RASSF5: variants seen among roughly 807,000 people sequenced by gnomAD.
RASSF5 encodes ras association domain-containing protein 5.
RASSF5 carries 25 observed loss-of-function variants against 40.5 expected under a neutral mutation model. That is an observed-to-expected ratio of 0.62 (90% CI 0.45 to 0.86). The LOEUF is 0.86. Ranked by LOEUF, RASSF5 falls within the 40% of genes least tolerant of loss-of-function variation. The pLI is 0.00. For missense variants in RASSF5, 521 were observed against 572.8 expected, an observed-to-expected ratio of 0.91 and a Z score of 0.92; for synonymous variants, 246 against 252.4, an observed-to-expected ratio of 0.97 and a Z score of 0.24.
At chr1:206,557,215 G>A (rs1668014182) in intron 2 of RASSF5, 1 of 1,059,722 alleles carries the variant, frequency 9.4e-7, no homozygotes, top group Non-Finnish European at 1.1e-6. Flanking sequence ...GGGGAGGTGC[G>A]GAGATGGCGC....
intron 1 of RASSF5, among the ~76,000 whole-genome samples, chr1:206,530,107 A>G (rs1365841520): frequency 6.6e-6 from 1 of 152,082 alleles, no homozygotes; most frequent in Non-Finnish European, 1.5e-5. Flanking sequence ...GCATTTTTCC[A>G]TTAGTAAAGA....
chr1:206,518,118 C>T (rs1256241855), intron 1 of RASSF5, among the ~76,000 whole-genome samples: 1 of 152,028 alleles, frequency 6.6e-6, no homozygotes, highest in East Asian at 1.9e-4. Context: ...GGGGCAGGCT[C>T]TTCCCTGCAG....
chr1:206,537,419 A>T lies in RASSF5; in HGVS notation c.458-753A>T, dbSNP rs372245464. On this transcript the variant is annotated intron_variant, in intron 1 of 5. Transcript: ENST00000579436. ...AGAGAGGTAACAGCACTTCCTGCTGATGATAATGCCTTTGTCTCTGGAAGC... is the reference window on the plus strand; with the variant it reads ...AGAGAGGTAACAGCACTTCCTGCTGTTGATAATGCCTTTGTCTCTGGAAGC... Among the ~76,000 whole-genome samples, 8 of 152,322 alleles carry T rather than the reference A, an allele frequency of 5.3e-5. No homozygotes were observed. In the South Asian group the frequency reaches 1.0e-3, roughly 20 times the overall value.
intron 1 of RASSF5, among the ~76,000 whole-genome samples, chr1:206,534,985 C>A (rs1263880017): frequency 6.6e-6 from 1 of 152,206 alleles, no homozygotes; most frequent in East Asian, 1.9e-4. Context: ...AATCCCAGCA[C>A]TTTGGGAGGC....
rs2102268182 is a variant in RASSF5 at position 206,589,160 on chromosome 1, CCTT to C, written c.*2186_*2188del. On this transcript the variant is annotated 3_prime_UTR_variant, in exon 6 of 6. Coordinates refer to ENST00000579436, the MANE Select transcript of RASSF5 (RefSeq NM_182663.4). Reference sequence around the variant, plus strand: ...GAGGTGGGAGTAACTGCTGGTAGTGCCTTCTTTGGTTGTGTTGCTCAGTGTGTA... The same window carrying C: ...GAGGTGGGAGTAACTGCTGGTAGTGCCTTTGGTTGTGTTGCTCAGTGTGTA... 1 of 152,664 alleles carries C rather than the reference CCTT, an allele frequency of 6.6e-6. No individual in the cohort carries two copies. Among genetic ancestry groups the C allele is most frequent in the South Asian group, 2.1e-4 (1 of 4,820 alleles). 9.5% of individuals were successfully genotyped at this position (152,664 alleles called of 1,614,324 possible).
At position 206,588,573 on chromosome 1, in the gene RASSF5, A is replaced by C. The variant is rs949449104; in HGVS notation, c.*1595A>C. The stretch of plus-strand genomic sequence containing the variant: ...TCCCTCTTGGGTCGGTTCAAGCCCA[A>C]GCTTGTTCGTGTAGCTTCAGAAGTT... On this transcript the variant is annotated 3_prime_UTR_variant, in exon 6 of 6. Transcript: ENST00000579436. 1.3e-5 allele frequency: 2 copies of C among 152,300 alleles called. No individual in the cohort carries two copies. The highest frequency in any genetic ancestry group is 2.9e-5 in the Non-Finnish European group (2 of 68,052). The allele number at this position is 152,300 out of a possible 1,614,324, so 9.4% of individuals were successfully genotyped here.
intron 2 of RASSF5, chr1:206,543,655 G>T (rs1558506496): frequency 1.3e-5 from 2 of 152,222 alleles, no homozygotes; most frequent in Admixed American, 6.5e-5. Context: ...ACCCTGGAAG[G>T]GGGTGGACGT....
chr1:206,512,267 A>T (rs933473163), intron 1 of RASSF5, among the ~76,000 whole-genome samples: 33 of 152,138 alleles, frequency 2.2e-4, no homozygotes, highest in Non-Finnish European at 2.5e-4. Flanking sequence ...AAGGACCTGG[A>T]ATGCTTTCAA....
chr1:206,508,886 G>A, intron 1 of RASSF5, among the ~76,000 whole-genome samples: 1 of 152,078 alleles, frequency 6.6e-6, no homozygotes, highest in African/African-American at 2.4e-5. Context: ...CCAGTGTATA[G>A]ATTTTCTGAG....
chr1:206,508,027 G>C lies in RASSF5; in HGVS notation c.425G>C (p.Arg142Pro), dbSNP rs1398712023. 2.1e-6 allele frequency: 3 copies of C among 1,436,464 alleles called. No homozygotes were observed. Among genetic ancestry groups the C allele is most frequent in the Admixed American group, 2.6e-5 (1 of 38,828 alleles). 89.0% of individuals were successfully genotyped at this position (1,436,464 alleles called of 1,614,324 possible). The change falls in exon 1 of 6, where the codon CGA (arginine) becomes CCA (proline). Residue 142 changes from arginine to proline, a missense_variant. By Grantham distance (103) the Arg-to-Pro change is moderately radical. Coordinates refer to ENST00000579436, the MANE Select transcript of RASSF5 (RefSeq NM_182663.4). ...CCCGGCTGGTGTGACCTGTGCGGAC[G>C]AGAGGTGCTGCGGCAGGCGCTGCGC... is the stretch of plus-strand genomic sequence containing the variant. ...GGPGWCDLCG[R>P]EVLRQALRCT...
rs61263066 is a variant in RASSF5, at chr1:206,526,269, A to AGT, written c.458-11880_458-11879dup. On this transcript the variant is annotated intron_variant, in intron 1 of 5. Coordinates refer to ENST00000579436, the MANE Select transcript of RASSF5 (RefSeq NM_182663.4). Reference sequence around the variant, plus strand: ...TTTGCTTCCTGGCTTGCTTTCTGGCAGTGTGTGTGTGTGTGTGTGTGTGTT... The same window carrying AGT: ...TTTGCTTCCTGGCTTGCTTTCTGGCAGTGTGTGTGTGTGTGTGTGTGTGTGTT... Among the ~76,000 whole-genome samples the AGT allele has an allele frequency of 1.5e-3, 220 of 143,124 alleles. 2 individuals are homozygous for AGT. Among genetic ancestry groups the AGT allele is most frequent in the South Asian group, 5.7e-3 (24 of 4,240 alleles). The allele number at this position is 143,124 out of a possible 152,430, so 93.9% of individuals were successfully genotyped here.
chr1:206,584,273 C>T lies in RASSF5; in HGVS notation c.691-114C>T. ...TCCAGCTCTCCCACGTCAGCAGAGG[C>T]AGGAAAGAACTCAAGGAGACAGGTG... On this transcript the variant is annotated intron_variant, in intron 3 of 5. Coordinates refer to ENST00000579436, the MANE Select transcript of RASSF5 (RefSeq NM_182663.4). This position sits in a 1 kb window ranked among gnomAD's most constrained non-coding sequence, Gnocchi z 4.9. The T allele has an allele frequency of 9.9e-7, 1 of 1,006,986 alleles. No individual in the cohort carries two copies. Among genetic ancestry groups the T allele is most frequent in the Non-Finnish European group, 1.4e-6 (1 of 691,498 alleles). 62.4% of individuals were successfully genotyped at this position (1,006,986 alleles called of 1,614,324 possible).
chr1:206,577,279 A>ATGG (rs1553405374), intron 2 of RASSF5, among the ~76,000 whole-genome samples: 1 of 152,212 alleles, frequency 6.6e-6, no homozygotes, highest in Non-Finnish European at 1.5e-5. Context: ...GAAAGGAATT[A>ATGG]ACAAACTCTA....
intron 2 of RASSF5, among the ~76,000 whole-genome samples, chr1:206,581,736 C>T (rs1553406377): frequency 1.3e-5 from 2 of 152,132 alleles, no homozygotes; most frequent in Non-Finnish European, 2.9e-5. Context: ...GGAGCCACGC[C>T]AGCTCCTCTT....
intron 1 of RASSF5, among the ~76,000 whole-genome samples, chr1:206,533,058 T>C (rs1279136464): frequency 6.6e-6 from 1 of 152,196 alleles, no homozygotes; most frequent in Non-Finnish European, 1.5e-5. Context: ...TTGTAGCTTC[T>C]AAATTTTGGA....
At chr1:206,534,630 G>C (rs377038348) in intron 1 of RASSF5, among the ~76,000 whole-genome samples, 5 of 152,168 alleles carry the variant, frequency 3.3e-5, no homozygotes, top group Non-Finnish European at 7.4e-5. Flanking sequence ...GCTGGCAACT[G>C]TCTCTAGTTG....
intron 5 of RASSF5, chr1:206,586,551 A>AT: frequency 3.3e-6 from 1 of 302,028 alleles, no homozygotes; most frequent in South Asian, 3.8e-5. Flanking sequence ...CTCGGCTGCT[A>AT]CACAGAAACT....
intron 1 of RASSF5, among the ~76,000 whole-genome samples, chr1:206,527,517 G>A (rs1216070204): frequency 2.0e-5 from 3 of 152,086 alleles, no homozygotes; most frequent in African/African-American, 7.2e-5. Flanking sequence ...CAGAGACAAA[G>A]GGGTCATGGA....
chr1:206,563,134 C>A (rs1668191958), intron 2 of RASSF5, among the ~76,000 whole-genome samples: 1 of 152,064 alleles, frequency 6.6e-6, no homozygotes, highest in Non-Finnish European at 1.5e-5. Context: ...TGGGCCAGAC[C>A]CGGAAATGGT....
Sources: gnomAD v4.1 joint callset for allele counts (sites outside exome capture counted in the v4.1 genomes callset) on GRCh38, gnomAD v4.1.1 for gene constraint, Gnocchi (gnomAD v3.1) non-coding constraint, MANE v1.5 for transcripts, NCBI Gene and HGNC (gene_info 2026-07-23, HGNC 2026-07-21) for gene names.